Variants in SOBP observed in about 807,000 individuals in gnomAD.
The protein encoded by SOBP is sine oculis binding protein homolog.
Under a neutral mutation model 53.6 loss-of-function variants are expected in SOBP, and 4 were observed. The observed-to-expected ratio is 0.07, with a 90% confidence interval of 0.04 to 0.17. The LOEUF is 0.17. Ranked by LOEUF, SOBP falls within the 10% of genes least tolerant of loss-of-function variation. The pLI is 1.00. For missense variants in SOBP, 1,088 were observed against 1,204.7 expected (o/e 0.90, Z 1.43); for synonymous variants, 584 against 522.6 (o/e 1.12, Z -1.60).
rs569313977 is a variant in SOBP, at chr6:107,573,589, G to T, written c.574-13491G>T. Among the ~76,000 whole-genome samples the T allele has an allele frequency of 2.0e-5, 3 of 152,264 alleles. No individual in the cohort carries two copies. The South Asian group carries it at 6.2e-4, about 32-fold the overall frequency. ...TGGTGGCACCAGGAATCAAACTTGG[G>T]TTGGAGTGGCACCACATGGCCCTCC... On this transcript the variant is annotated intron_variant, in intron 4 of 6. Coordinates refer to ENST00000317357, the MANE Select transcript of SOBP (RefSeq NM_018013.4).
At chr6:107,518,994 G>C (rs1446952836) in intron 3 of SOBP, among the ~76,000 whole-genome samples, 1 of 151,760 alleles carries the variant, frequency 6.6e-6, no homozygotes, top group African/African-American at 2.4e-5. Flanking sequence ...TTATTACCAA[G>C]TGAAATGCAA....
rs138188245 is a variant in SOBP at position 107,650,221 on chromosome 6, G to A, written c.*4-7986G>A. Among the ~76,000 whole-genome samples, 7 of 152,272 alleles carry A rather than the reference G, an allele frequency of 4.6e-5. 1 individual carries two copies. The highest frequency in any genetic ancestry group is 1.4e-4 in the African/African-American group (6 of 41,550). ...GCTTCTCAGAGCCATAGGGTGAGTA[G>A]CATCACAGTGATGAAGCTGCGATTC... On this transcript the variant is annotated intron_variant, in intron 6 of 6. Coordinates refer to ENST00000317357, the MANE Select transcript of SOBP (RefSeq NM_018013.4).
chr6:107,587,003 C>G (rs1395239976), intron 4 of SOBP, 77 bp from the exon 5 acceptor site: 2 of 1,066,620 alleles, frequency 1.9e-6, no homozygotes, highest in Non-Finnish European at 2.9e-6. Flanking sequence ...GTTGAATGAT[C>G]TGAGCTGTTA....
chr6:107,582,729 G>GA, intron 4 of SOBP, among the ~76,000 whole-genome samples: 1 of 152,310 alleles, frequency 6.6e-6, no homozygotes, highest in African/African-American at 2.4e-5. Flanking sequence ...CACACAAGGA[G>GA]AGAGTTAGTT....
intron 5 of SOBP, among the ~76,000 whole-genome samples, chr6:107,626,114 A>G: frequency 6.6e-6 from 1 of 152,376 alleles, no homozygotes; most frequent in Non-Finnish European, 1.5e-5. Context: ...AGGTAAATAC[A>G]TATCTGAAAA....
intron 4 of SOBP, among the ~76,000 whole-genome samples, chr6:107,564,262 C>T (rs1306607730): frequency 6.6e-6 from 1 of 152,160 alleles, no homozygotes; most frequent in East Asian, 1.9e-4. Context: ...AGCCTGGTCT[C>T]TCTCAAGAAC....
At chr6:107,646,613 C>T (rs1049696899) in intron 6 of SOBP, among the ~76,000 whole-genome samples, 5 of 152,212 alleles carry the variant, frequency 3.3e-5, no homozygotes, top group Non-Finnish European at 7.3e-5. Flanking sequence ...CTCTATATTC[C>T]TTAGACATCT....
intron 4 of SOBP, among the ~76,000 whole-genome samples, chr6:107,563,494 C>A (rs182220610): frequency 2.5e-3 from 374 of 151,816 alleles, no homozygotes; most frequent in Non-Finnish European, 3.1e-3. Context: ...AATTTAAGAG[C>A]AATATTAAAA....
chr6:107,540,040 G>A (rs1333487570), intron 4 of SOBP, among the ~76,000 whole-genome samples: 1 of 152,216 alleles, frequency 6.6e-6, no homozygotes, highest in African/African-American at 2.4e-5. Context: ...TGGAATAGTA[G>A]TTATACTCTG....
At chr6:107,597,913 G>A (rs577131395) in intron 5 of SOBP, among the ~76,000 whole-genome samples, 1 of 152,172 alleles carries the variant, frequency 6.6e-6, no homozygotes, top group East Asian at 1.9e-4. Flanking sequence ...GAGATTTAAA[G>A]CCTTAAAAAA....
intron 5 of SOBP, among the ~76,000 whole-genome samples, chr6:107,616,065 A>G (rs2748437): frequency 0.97 from 124,392 of 127,970 alleles, 60,475 homozygotes; most frequent in East Asian, 1. Context: ...AAGGATGCCT[A>G]CTCATTGAGG....
At chr6:107,551,196 A>G (rs568097719) in intron 4 of SOBP, among the ~76,000 whole-genome samples, 4 of 152,160 alleles carry the variant, frequency 2.6e-5, no homozygotes, top group Non-Finnish European at 5.9e-5. Flanking sequence ...TGGTTACCAC[A>G]ACAGATATAT....
At chr6:107,575,924 C>T (rs185009615) in intron 4 of SOBP, among the ~76,000 whole-genome samples, 45 of 152,298 alleles carry the variant, frequency 3.0e-4, no homozygotes, top group Middle Eastern at 3.4e-3. Flanking sequence ...CTCAATTCAT[C>T]ATCTGCAGAA....
intron 4 of SOBP, among the ~76,000 whole-genome samples, chr6:107,575,051 G>T (rs891214923): frequency 6.6e-6 from 1 of 152,140 alleles, no homozygotes; most frequent in Non-Finnish European, 1.5e-5. Flanking sequence ...CTCCTGGGGC[G>T]CACGAGCAGT....
intron 4 of SOBP, among the ~76,000 whole-genome samples, chr6:107,555,497 G>A (rs1784582894): frequency 6.6e-6 from 1 of 152,200 alleles, no homozygotes; most frequent in Admixed American, 6.5e-5. Flanking sequence ...CTTCAGAAAA[G>A]GGAGGCAGTG....
At chr6:107,599,884 C>T (rs1786112782) in intron 5 of SOBP, among the ~76,000 whole-genome samples, 1 of 152,094 alleles carries the variant, frequency 6.6e-6, no homozygotes, top group Non-Finnish European at 1.5e-5. Flanking sequence ...TAAACATGAA[C>T]AAACAAAGAA....
At chr6:107,531,775 A>G (rs1326928785) in intron 3 of SOBP, among the ~76,000 whole-genome samples, 1 of 152,206 alleles carries the variant, frequency 6.6e-6, no homozygotes, top group Non-Finnish European at 1.5e-5. Context: ...ATCAAAGGTC[A>G]TTTTTTATAC....
chr6:107,622,526 C>T (rs533730847), intron 5 of SOBP, among the ~76,000 whole-genome samples: 56 of 152,318 alleles, frequency 3.7e-4, no homozygotes, highest in South Asian at 8.3e-4. Context: ...CAAAGTCTCT[C>T]TGCCAATGCA....
intron 3 of SOBP, among the ~76,000 whole-genome samples, chr6:107,507,812 A>G (rs1174250821): frequency 6.6e-6 from 1 of 151,916 alleles, no homozygotes; most frequent in Non-Finnish European, 1.5e-5. Context: ...TTCTTTTTTT[A>G]ATGGAGATCT....
Sources: gnomAD v4.1 joint callset for allele counts (sites outside exome capture counted in the v4.1 genomes callset) on GRCh38, gnomAD v4.1.1 for gene constraint, MANE v1.5 for transcripts, NCBI Gene and HGNC (gene_info 2026-07-23, HGNC 2026-07-21) for gene names.